KLHDC4: variants seen among roughly 807,000 people sequenced by gnomAD.
The protein encoded by KLHDC4 is kelch domain-containing protein 4.
Under a neutral mutation model 62.4 loss-of-function variants are expected in KLHDC4, and 90 were observed. The ratio of observed to expected loss-of-function variants is 1.44; its 90% CI spans 1.22 to 1.72. The LOEUF is 1.72. Ranked by LOEUF, KLHDC4 falls within the 40% of genes most tolerant of loss-of-function variation. The pLI is 0.00. For missense variants in KLHDC4, 1,025 were observed against 699.7 expected, an observed-to-expected ratio of 1.47 and a Z score of -5.25; for synonymous variants, 386 against 284.4, an observed-to-expected ratio of 1.36 and a Z score of -3.59.
rs1173625123 is a variant in KLHDC4 at position 87,752,089 on chromosome 16, CAAAAAAAA to C, written c.369+3097_369+3104del. Among the ~76,000 whole-genome samples the C allele has an allele frequency of 6.0e-3, 177 of 29,468 alleles. 2 individuals are homozygous for C. Among genetic ancestry groups the C allele is most frequent in the African/African-American group, 0.028 (166 of 5,858 alleles). 19.3% of individuals were successfully genotyped at this position (29,468 alleles called of 152,430 possible). On this transcript the variant is annotated intron_variant, in intron 4 of 11. Coordinates refer to ENST00000270583, the MANE Select transcript of KLHDC4 (RefSeq NM_017566.4). ...TGGGCAACAGAGTGAGACTTTGTCT[CAAAAAAAA>C]AAAAAAAAAAAAAAAAAGAAGCCAA...
rs781534675 is a variant in KLHDC4 at position 87,708,399 on chromosome 16, A to AC, written c.1514dup (p.Gly506TrpfsTer39). 3.2e-5 allele frequency: 51 copies of AC among 1,609,432 alleles called. No homozygotes were observed. The highest frequency in any genetic ancestry group is 5.4e-5 in the African/African-American group (4 of 74,714). On this transcript the variant is annotated frameshift_variant, in exon 11 of 12. Transcript: ENST00000270583. LOFTEE classifies it high-confidence loss of function. ...CTCCGCTGTCTTCGTCGTCGACCCC[A>AC]CCCTCGGCGCCCTCAACCTCCTCAC...
Position 87,717,506 on chromosome 16 carries a change from T to C in KLHDC4, c.760-2933A>G, listed in dbSNP as rs1284308745. 2.6e-5 allele frequency among the ~76,000 whole-genome samples: 4 copies of C among 152,210 alleles called. No homozygotes were observed. In the East Asian group the frequency reaches 7.7e-4, roughly 29 times the overall value. On this transcript the variant is annotated intron_variant, in intron 7 of 11. Transcript: ENST00000270583. ...GGCTCCACATTGGCCATATGGAGAG[T>C]GACCTGAATCTCAGGAAGTGAAAAC...
At position 87,726,745 on chromosome 16, in the gene KLHDC4, T is replaced by G; in HGVS notation, c.759+20A>C. 1 of 1,515,410 alleles carries G rather than the reference T, an allele frequency of 6.6e-7. No individual in the cohort carries two copies. Among genetic ancestry groups the G allele is most frequent in the East Asian group, 2.5e-5 (1 of 39,756 alleles). The allele number at this position is 1,515,410 out of a possible 1,614,324, so 93.9% of individuals were successfully genotyped here. ...TTTCCCGGTCCCACGCCTTGCCTGTTTCCCCACCCCCCGCCTTACCTGTTT... is the reference window on the plus strand; with the variant it reads ...TTTCCCGGTCCCACGCCTTGCCTGTGTCCCCACCCCCCGCCTTACCTGTTT... On this transcript the variant is annotated intron_variant, in intron 7 of 11. Transcript: ENST00000270583.
At chr16:87,740,058 G>A (rs2042015113) in intron 5 of KLHDC4, among the ~76,000 whole-genome samples, 1 of 152,172 alleles carries the variant, frequency 6.6e-6, no homozygotes, top group African/African-American at 2.4e-5. Flanking sequence ...ATCCCTCAGA[G>A]GGCACTGGCC....
At chr16:87,711,864 A>C (rs2035919863) in intron 8 of KLHDC4, among the ~76,000 whole-genome samples, 2 of 143,718 alleles carry the variant, frequency 1.4e-5, no homozygotes, top group Non-Finnish European at 1.5e-5. Context: ...TTGGGCCTGC[A>C]CGGGGACCCT....
At chr16:87,739,961 G>A (rs749985065) in intron 5 of KLHDC4, 1 of 152,172 alleles carries the variant, frequency 6.6e-6, no homozygotes, top group Non-Finnish European at 1.5e-5. Context: ...CATTTTAAAG[G>A]GTGATTTGAG....
At chr16:87,728,771 G>C (rs894425220) in intron 6 of KLHDC4, among the ~76,000 whole-genome samples, 2 of 151,978 alleles carry the variant, frequency 1.3e-5, no homozygotes, top group Admixed American at 6.6e-5. Flanking sequence ...ATGAGGTCAG[G>C]AGTTCGAGAC....
At position 87,709,638 on chromosome 16, in the gene KLHDC4, C is replaced by T; in HGVS notation, c.1074G>A (p.Arg358=). ...CTTCGGGCTCCTCTTTTCTGCCCCG[C>T]CTGCGTTTCTTCTTTTCAGACTTGG... is the stretch of plus-strand genomic sequence containing the variant. ...KGPKSEKKKR[R]RGRKEEPEGG... is the part of the protein sequence containing the mutation. Residue 358 remains arginine (R), a synonymous_variant, in exon 10 of 12, where the codon AGG becomes AGA. Coordinates refer to ENST00000270583, the MANE Select transcript of KLHDC4 (RefSeq NM_017566.4). 1 of 1,605,974 alleles carries T rather than the reference C, an allele frequency of 6.2e-7. No individual in the cohort carries two copies. Among genetic ancestry groups the T allele is most frequent in the Non-Finnish European group, 8.5e-7 (1 of 1,176,206 alleles).
intron 4 of KLHDC4, among the ~76,000 whole-genome samples, chr16:87,749,439 AGCT>A (rs1248801210): frequency 2.0e-5 from 3 of 151,934 alleles, no homozygotes; most frequent in African/African-American, 7.3e-5. Flanking sequence ...CTGTAGTCCC[AGCT>A]GCTTGGGAGG....
intron 2 of KLHDC4, among the ~76,000 whole-genome samples, chr16:87,756,717 T>C (rs1432486140): frequency 8.4e-6 from 1 of 119,118 alleles, no homozygotes; most frequent in African/African-American, 3.5e-5. Context: ...TCTGGTTGTA[T>C]TAACAAAAAA....
At chr16:87,763,005 G>A (rs1243672919) in intron 1 of KLHDC4, among the ~76,000 whole-genome samples, 2 of 152,094 alleles carry the variant, frequency 1.3e-5, no homozygotes, top group African/African-American at 4.8e-5. Context: ...AGCCTGCCAC[G>A]CCCCACCTCG....
chr16:87,732,723 G>C (rs549088076), intron 5 of KLHDC4, among the ~76,000 whole-genome samples: 2 of 151,828 alleles, frequency 1.3e-5, no homozygotes, highest in African/African-American at 4.9e-5. Context: ...TCGAAAAACA[G>C]CACGTGAAAA....
chr16:87,720,429 T>G (rs527823429), intron 7 of KLHDC4, among the ~76,000 whole-genome samples: 20 of 152,134 alleles, frequency 1.3e-4, no homozygotes, highest in African/African-American at 4.8e-4. Flanking sequence ...CTAAACCACC[T>G]TTGCCAGACG....
chr16:87,734,842 A>T (rs2041003540), intron 5 of KLHDC4, among the ~76,000 whole-genome samples: 1 of 152,038 alleles, frequency 6.6e-6, no homozygotes, highest in Non-Finnish European at 1.5e-5. Flanking sequence ...AGCACCATCC[A>T]GCGGACACAC....
At chr16:87,749,255 G>A (rs1218274292) in intron 4 of KLHDC4, among the ~76,000 whole-genome samples, 2 of 152,008 alleles carry the variant, frequency 1.3e-5, no homozygotes, top group African/African-American at 4.8e-5. Flanking sequence ...CAATGTGCAC[G>A]TAAAAGAAAG....
At chr16:87,724,691 G>A (rs1182880012) in intron 7 of KLHDC4, among the ~76,000 whole-genome samples, 1 of 152,186 alleles carries the variant, frequency 6.6e-6, no homozygotes, top group Non-Finnish European at 1.5e-5. Flanking sequence ...GGGCTGGTAT[G>A]AACAGGGGGC....
chr16:87,722,948 G>C (rs967672065), intron 7 of KLHDC4, among the ~76,000 whole-genome samples: 2 of 152,206 alleles, frequency 1.3e-5, no homozygotes, highest in African/African-American at 4.8e-5. Context: ...GCATGGACGG[G>C]GCCTGCGTGG....
chr16:87,706,492 C>T (rs923419289), downstream of KLHDC4, among the ~76,000 whole-genome samples: 1 of 152,178 alleles, frequency 6.6e-6, no homozygotes, highest in African/African-American at 2.4e-5. Flanking sequence ...GGGGGCGGCA[C>T]CTGCAGCCTC....
At chr16:87,710,756 C>T (rs917340851) in intron 9 of KLHDC4, 1 of 153,618 alleles carries the variant, frequency 6.5e-6, no homozygotes, top group Non-Finnish European at 1.5e-5. Flanking sequence ...CTGGGTCCGG[C>T]TGACCTGGTA....
Sources: gnomAD v4.1 joint callset for allele counts (sites outside exome capture counted in the v4.1 genomes callset) on GRCh38, gnomAD v4.1.1 for gene constraint, MANE v1.5 for transcripts, NCBI Gene and HGNC (gene_info 2026-07-23, HGNC 2026-07-21) for gene names.